The following FBXL17 variants were observed in gnomAD, a reference collection of about 807,000 sequenced individuals.
The protein encoded by FBXL17 is F-box and leucine rich repeat protein 17, also known as F-box/LRR-repeat protein 17.
Under a neutral mutation model 66.2 loss-of-function variants are expected in FBXL17, and 22 were observed. That is an observed-to-expected ratio of 0.33 (90% CI 0.24 to 0.47). The LOEUF (loss-of-function observed/expected upper bound fraction) is 0.47, where lower values mean the gene tolerates loss of function less well. Ranked by LOEUF, FBXL17 falls within the 20% of genes least tolerant of loss-of-function variation. FBXL17 has a pLI of 1.00. For synonymous variants in FBXL17, 474 were observed against 400.5 expected (o/e 1.18, Z -2.19); for missense variants, 878 against 948.2 (o/e 0.93, Z 0.97).
rs527484700 is a variant in FBXL17 at position 107,861,392 on chromosome 5, G to GCA, written c.*326_*327dup. 1.1e-3 allele frequency: 188 copies of GCA among 164,050 alleles called. No homozygotes were observed. Among genetic ancestry groups the GCA allele is most frequent in the African/African-American group, 4.1e-3 (172 of 42,154 alleles). The allele number at this position is 164,050 out of a possible 1,614,324, so 10.2% of individuals were successfully genotyped here. On this transcript the variant is annotated 3_prime_UTR_variant, in exon 9 of 9. Coordinates refer to ENST00000542267, the MANE Select transcript of FBXL17 (RefSeq NM_001163315.3). ...CTTACTTGGACATCTCCAAGTGGCA[G>GCA]CAATTAGAAGCTCAAAATAATACAT... is the stretch of plus-strand genomic sequence containing the variant.
At chr5:108,250,313 A>G (rs1175959480) in intron 4 of FBXL17, among the ~76,000 whole-genome samples, 1 of 152,184 alleles carries the variant, frequency 6.6e-6, no homozygotes, top group Non-Finnish European at 1.5e-5. Flanking sequence ...AATCATTCAG[A>G]AGACCAATTC....
At chr5:108,257,155 A>C (rs748333408) in intron 4 of FBXL17, among the ~76,000 whole-genome samples, 28 of 152,190 alleles carry the variant, frequency 1.8e-4, no homozygotes, top group Non-Finnish European at 3.5e-4. Context: ...AAAAGTATTA[A>C]ATTATTTTAA....
At chr5:108,025,748 CA>C (rs1432915905) in intron 6 of FBXL17, among the ~76,000 whole-genome samples, 1 of 151,576 alleles carries the variant, frequency 6.6e-6, no homozygotes, top group African/African-American at 2.4e-5. Context: ...CACACACACA[CA>C]CACACAGGCC....
intron 4 of FBXL17, among the ~76,000 whole-genome samples, chr5:108,241,406 G>C (rs1383071548): frequency 3.9e-5 from 6 of 151,986 alleles, no homozygotes; most frequent in Non-Finnish European, 8.8e-5. Context: ...ATCAAGCAGA[G>C]AATCAGTGAG....
At chr5:107,923,635 A>T (rs537223197) in intron 7 of FBXL17, among the ~76,000 whole-genome samples, 2 of 152,126 alleles carry the variant, frequency 1.3e-5, no homozygotes, top group Non-Finnish European at 2.9e-5. Context: ...AGCTTATATT[A>T]TTGCTGTAGT....
intron 3 of FBXL17, among the ~76,000 whole-genome samples, chr5:108,349,923 A>G (rs900613042): frequency 6.6e-6 from 1 of 152,190 alleles, no homozygotes; most frequent in South Asian, 2.1e-4. Context: ...ACAGCACAGT[A>G]GCTTAGCAAT....
chr5:108,362,190 T>C (rs1748385094), intron 3 of FBXL17, among the ~76,000 whole-genome samples: 2 of 152,186 alleles, frequency 1.3e-5, no homozygotes, highest in Non-Finnish European at 2.9e-5. Context: ...TAAAAATTGA[T>C]AGCATAGCCA....
At chr5:108,152,095 G>A (rs1001172666) in intron 6 of FBXL17, among the ~76,000 whole-genome samples, 7 of 152,118 alleles carry the variant, frequency 4.6e-5, no homozygotes, top group Non-Finnish European at 1.0e-4. Flanking sequence ...AAAACATTAA[G>A]TAGATACTAA....
At chr5:108,041,196 T>C (rs1747031677) in intron 6 of FBXL17, among the ~76,000 whole-genome samples, 2 of 152,150 alleles carry the variant, frequency 1.3e-5, no homozygotes, top group Admixed American at 6.5e-5. Flanking sequence ...ATTTGTAAAA[T>C]GGTTAAGGGC....
At chr5:108,100,472 G>T (rs572683367) in intron 6 of FBXL17, among the ~76,000 whole-genome samples, 1 of 152,110 alleles carries the variant, frequency 6.6e-6, no homozygotes, top group South Asian at 2.1e-4. Flanking sequence ...AAATTATGTT[G>T]TTATTATGTA....
rs375390627 is a variant in FBXL17 at position 107,996,849 on chromosome 5, A to C, written c.1822+24076T>G. On this transcript the variant is annotated intron_variant, in intron 7 of 8. Coordinates refer to ENST00000542267, the MANE Select transcript of FBXL17 (RefSeq NM_001163315.3). ...CCAAAGCATTGAAGCTTATACCTTT[A>C]AGCAGATAGTAATTTTGGAAGACAG... 1.1e-4 allele frequency among the ~76,000 whole-genome samples: 17 copies of C among 152,332 alleles called. No homozygotes were observed. In the East Asian group the frequency reaches 3.1e-3, roughly 28 times the overall value.
At chr5:108,232,408 G>A (rs1041948273) in intron 4 of FBXL17, among the ~76,000 whole-genome samples, 6 of 152,010 alleles carry the variant, frequency 3.9e-5, no homozygotes, top group Admixed American at 2.0e-4. Context: ...GTGGACTTGT[G>A]ATGATTAATA....
intron 6 of FBXL17, among the ~76,000 whole-genome samples, chr5:108,177,529 C>G (rs1752836497): frequency 6.6e-6 from 1 of 152,072 alleles, no homozygotes; most frequent in Non-Finnish European, 1.5e-5. Flanking sequence ...AACTTAGGAA[C>G]AGCAGCAGCA....
At chr5:107,880,348 G>C in intron 8 of FBXL17, 1 of 984,656 alleles carries the variant, frequency 1.0e-6, no homozygotes, top group Non-Finnish European at 1.2e-6. Flanking sequence ...CAATGTGCTG[G>C]GATTACAGGT....
At chr5:107,911,351 T>C (rs763751087) in intron 7 of FBXL17, among the ~76,000 whole-genome samples, 22 of 152,200 alleles carry the variant, frequency 1.4e-4, no homozygotes, top group African/African-American at 5.1e-4. Flanking sequence ...CAATATCACA[T>C]ATAAAAAGCA....
At chr5:108,188,297 A>T (rs1753322364) in intron 5 of FBXL17, among the ~76,000 whole-genome samples, 1 of 152,198 alleles carries the variant, frequency 6.6e-6, no homozygotes, top group Non-Finnish European at 1.5e-5. Flanking sequence ...ATAAAACACA[A>T]AAAGGTCCAC....
intron 7 of FBXL17, among the ~76,000 whole-genome samples, chr5:108,010,801 AATG>A (rs1754147862): frequency 6.6e-6 from 1 of 152,204 alleles, no homozygotes; most frequent in Non-Finnish European, 1.5e-5. Context: ...CTGAGTTTAA[AATG>A]ATAATTAAAC....
chr5:108,097,617 C>T (rs569894585), intron 6 of FBXL17, among the ~76,000 whole-genome samples: 7 of 151,844 alleles, frequency 4.6e-5, no homozygotes, highest in African/African-American at 1.4e-4. Context: ...GGTGAAACCC[C>T]GTCTCTACTA....
chr5:108,264,194 G>A lies in FBXL17; in HGVS notation c.1507-39966C>T, dbSNP rs1367959431. On this transcript the variant is annotated intron_variant, in intron 4 of 8. Coordinates refer to ENST00000542267, the MANE Select transcript of FBXL17 (RefSeq NM_001163315.3). ...CACGCCACAGCACTCCAGCCTGGGC[G>A]ACAGAGTGAGACTCTTTCTCAAAAA... is the stretch of plus-strand genomic sequence containing the variant. 3.6e-5 allele frequency among the ~76,000 whole-genome samples: 4 copies of A among 112,056 alleles called. No homozygotes were observed. The Admixed American group carries it at 3.7e-4, about 10-fold the overall frequency. 73.5% of individuals were successfully genotyped at this position (112,056 alleles called of 152,430 possible).
Sources: gnomAD v4.1 joint callset for allele counts (sites outside exome capture counted in the v4.1 genomes callset) on GRCh38, gnomAD v4.1.1 for gene constraint, MANE v1.5 for transcripts, NCBI Gene and HGNC (gene_info 2026-07-23, HGNC 2026-07-21) for gene names.